The following POTEF variants were observed in gnomAD, a reference collection of about 807,000 sequenced individuals.
POTEF encodes POTE ankyrin domain family member F.
POTEF carries 20 observed loss-of-function variants against 83.2 expected under a neutral mutation model. The observed-to-expected ratio is 0.24, with a 90% CI of 0.17 to 0.35. POTEF has a LOEUF of 0.35. Ranked by LOEUF, POTEF falls within the 10% of genes least tolerant of loss-of-function variation. The pLI is 1.00. For synonymous variants in POTEF, 196 were observed against 446.4 expected, an observed-to-expected ratio of 0.44 and a Z score of 7.07; for missense variants, 550 against 1,203.2, an observed-to-expected ratio of 0.46 and a Z score of 8.03.
chr2:130,111,418 A>G (rs1207172721), intron 6 of POTEF, among the ~76,000 whole-genome samples: 3 of 152,034 alleles, frequency 2.0e-5, no homozygotes, highest in Admixed American at 2.0e-4. Flanking sequence ...CTCCATACCA[A>G]TTAAAAATAA....
intron 2 of POTEF, among the ~76,000 whole-genome samples, chr2:130,126,320 A>G (rs1302590998): frequency 2.6e-5 from 4 of 151,688 alleles, no homozygotes; most frequent in South Asian, 2.1e-4. Flanking sequence ...AAAAAAAAAA[A>G]AAAAGAAAGA....
At chr2:130,116,293 G>A (rs1452794004) in intron 3 of POTEF, among the ~76,000 whole-genome samples, 2 of 151,058 alleles carry the variant, frequency 1.3e-5, no homozygotes, top group African/African-American at 4.9e-5. Flanking sequence ...ATTTAAGACT[G>A]TTATAAATTT....
At position 130,120,285 on chromosome 2, in the gene POTEF, C is replaced by T; in HGVS notation, c.231G>A (p.Lys77=). ...HCFPCCRGSG[K]SNVGASGDHD... Reference sequence around the variant, plus strand: ...GGTCTCCAGAAGCGCCCACGTTGCTCTTGCCACTCCCCCTGCAGCAGGGGA... The same window carrying T: ...GGTCTCCAGAAGCGCCCACGTTGCTTTTGCCACTCCCCCTGCAGCAGGGGA... The change falls in exon 3 of 17, where the codon AAG becomes AAA. Residue 77 remains lysine (K), a synonymous_variant. Coordinates refer to ENST00000409914, the MANE Select transcript of POTEF (RefSeq NM_001099771.2). The T allele has an allele frequency of 2.5e-6, 4 of 1,605,236 alleles. No individual in the cohort carries two copies. The highest frequency in any genetic ancestry group is 3.4e-6 in the Non-Finnish European group (4 of 1,178,294).
chr2:130,114,783 T>C (rs1684799106), intron 5 of POTEF, 98 bp downstream of exon 5: 1 of 1,476,610 alleles, frequency 6.8e-7, no homozygotes, highest in South Asian at 1.3e-5. Flanking sequence ...ATTCAGGTTA[T>C]GCTTGAGCTT....
At chr2:130,119,325 G>A (rs13417823) in intron 3 of POTEF, among the ~76,000 whole-genome samples, 13,112 of 151,718 alleles carry the variant, frequency 0.086, 772 homozygotes, top group Non-Finnish European at 0.13. Flanking sequence ...CACCGCACCC[G>A]GCTAATTTTT....
At chr2:130,119,433 T>G (rs1314031328) in intron 3 of POTEF, among the ~76,000 whole-genome samples, 5 of 152,064 alleles carry the variant, frequency 3.3e-5, no homozygotes, top group African/African-American at 1.2e-4. Context: ...GTGCTGGGAT[T>G]ACAGGCGTGA....
At chr2:130,121,774 A>AT (rs1235807610) in intron 2 of POTEF, among the ~76,000 whole-genome samples, 2 of 105,048 alleles carry the variant, frequency 1.9e-5, no homozygotes, top group Non-Finnish European at 3.9e-5. Flanking sequence ...CATACCACAT[A>AT]TTTTTTAACT....
Position 130,074,624 on chromosome 2 carries a change from T to C in POTEF, c.2848A>G (p.Ile950Val), listed in dbSNP as rs200255556. 390 of 1,585,160 alleles carry C rather than the reference T, an allele frequency of 2.5e-4. No homozygotes were observed. The highest frequency in any genetic ancestry group is 3.2e-4 in the Non-Finnish European group (380 of 1,173,608). ...GGGCAGCGGAACCGCTCGTTGCCGATGGTGATGACCTGGCCATCGGGCAGC... is the reference window on the plus strand; with the variant it reads ...GGGCAGCGGAACCGCTCGTTGCCGACGGTGATGACCTGGCCATCGGGCAGC... ...YELPDGQVITIGNERFRCPEA... is the reference protein window; with the variant it reads ...YELPDGQVITVGNERFRCPEA... The change falls in exon 17 of 17, where the codon ATC becomes GTC. Residue 950 changes from isoleucine to valine, a missense_variant. Ile to Val is a conservative substitution (Grantham distance 29, BLOSUM62 3). Coordinates refer to ENST00000409914, the MANE Select transcript of POTEF (RefSeq NM_001099771.2).
chr2:130,075,811 A>C (rs1358202193), intron 16 of POTEF, among the ~76,000 whole-genome samples: 1 of 147,620 alleles, frequency 6.8e-6, no homozygotes, highest in African/African-American at 2.5e-5. Context: ...CTAAATTCCT[A>C]AAAGTTTAAA....
intron 8 of POTEF, among the ~76,000 whole-genome samples, chr2:130,104,099 C>T (rs192349819): frequency 6.7e-6 from 1 of 150,044 alleles, no homozygotes; most frequent in South Asian, 2.1e-4. Flanking sequence ...GACAAGGTGA[C>T]AGATAGCTCA....
Position 130,105,039 on chromosome 2 carries a change from C to A in POTEF, c.1127-2859G>T, listed in dbSNP as rs1447007969. On this transcript the variant is annotated intron_variant, in intron 8 of 16. Coordinates refer to ENST00000409914, the MANE Select transcript of POTEF (RefSeq NM_001099771.2). ...CAGAAAATTTCCTCCTTCGTCCTCA[C>A]ATCCAGGTTAAATACTACTGTACAA... Among the ~76,000 whole-genome samples, 95 of 150,018 alleles carry A rather than the reference C, an allele frequency of 6.3e-4. 1 individual carries two copies. The highest frequency in any genetic ancestry group is 2.2e-3 in the African/African-American group (88 of 40,094).
rs1334691145 is a variant in POTEF, at chr2:130,075,045, G to C, written c.2427C>G (p.Thr809=). 6.2e-7 allele frequency: 1 copy of C among 1,613,760 alleles called. No homozygotes were observed. Among genetic ancestry groups the C allele is most frequent in the Non-Finnish European group, 8.5e-7 (1 of 1,179,958 alleles). The change falls in exon 17 of 17, where the codon ACC becomes ACG. Residue 809 remains threonine (T), a synonymous_variant. Transcript: ENST00000409914. ...TCTCGCGGTTGGCCTTAGGGTTCAG[G>C]GTGGCCTCGGTCAGCAGGACGGGGT... ...EEHPVLLTEA[T]LNPKANREKM...
At chr2:130,107,830 A>G (rs1684584687) in intron 8 of POTEF, 179 bp downstream of exon 8, 1 of 605,604 alleles carries the variant, frequency 1.7e-6, no homozygotes, top group South Asian at 2.1e-5. Context: ...TTATTTCATT[A>G]TATATTACAA....
At chr2:130,108,345 G>A (rs533323661) in intron 7 of POTEF, among the ~76,000 whole-genome samples, 2 of 151,992 alleles carry the variant, frequency 1.3e-5, no homozygotes, top group African/African-American at 4.9e-5. Flanking sequence ...AATAGAAAGT[G>A]TCCCAACTCT....
Position 130,119,986 on chromosome 2 carries a change from C to G in POTEF, c.521+9G>C. On this transcript the variant is annotated intron_variant, in intron 3 of 16. Coordinates refer to ENST00000409914, the MANE Select transcript of POTEF (RefSeq NM_001099771.2). ...ACGTCCCACCTCCTCCCAGCCCAGG[C>G]CTGGTTACCTCTTTTGCTTGTCCTG... 8.4e-7 allele frequency: 1 copy of G among 1,196,112 alleles called. No individual in the cohort carries two copies. The highest frequency in any genetic ancestry group is 1.3e-5 in the South Asian group (1 of 77,136). 74.1% of individuals were successfully genotyped at this position (1,196,112 alleles called of 1,614,324 possible). A position where few individuals can be genotyped will look rare whatever the true frequency, so the allele number is the denominator to read the frequency against.
At chr2:130,086,610 A>AC (rs1684023454) in intron 13 of POTEF, among the ~76,000 whole-genome samples, 2 of 83,226 alleles carry the variant, frequency 2.4e-5, no homozygotes, top group Non-Finnish European at 4.4e-5. Flanking sequence ...GGCTTCTAAC[A>AC]TGTGAAAAAT....
rs1488202246 is a variant in POTEF at position 130,100,783 on chromosome 2, G to A, written c.1198-63C>T. 3.2e-6 allele frequency: 5 copies of A among 1,576,788 alleles called. No individual in the cohort carries two copies. In the South Asian group the frequency reaches 4.7e-5, roughly 15 times the overall value. The stretch of plus-strand genomic sequence containing the variant: ...TGTTTCTGTGATGTGTCCTCTTTTG[G>A]AGCGCATGTTTTAAAAAAATTTTAT... On this transcript the variant is annotated intron_variant, in intron 9 of 16. Transcript: ENST00000409914.
intron 8 of POTEF, among the ~76,000 whole-genome samples, chr2:130,102,903 T>A (rs1432479732): frequency 1.3e-5 from 2 of 151,520 alleles, no homozygotes; most frequent in South Asian, 4.1e-4. Flanking sequence ...GCAAATCTGC[T>A]GAGCTGTTGC....
At chr2:130,102,804 C>A (rs1684410377) in intron 8 of POTEF, among the ~76,000 whole-genome samples, 1 of 151,648 alleles carries the variant, frequency 6.6e-6, no homozygotes, top group Admixed American at 6.6e-5. Context: ...GCAAAACTGT[C>A]ACTATATGAT....
Sources: allele counts gnomAD v4.1 joint callset (sites outside exome capture counted in the v4.1 genomes callset), GRCh38; gene constraint gnomAD v4.1.1; transcripts MANE v1.5; gene names NCBI Gene and HGNC (gene_info 2026-07-23, HGNC 2026-07-21).